The following AFG3L2 variants were observed in gnomAD, a reference collection of about 807,000 sequenced individuals.
AFG3L2 encodes the protein AFG3 like matrix AAA peptidase subunit 2.
A neutral mutation model predicts 94.5 loss-of-function variants in AFG3L2; 54 were observed. The observed-to-expected ratio is 0.57, with a 90% confidence interval of 0.46 to 0.72. AFG3L2 has a LOEUF of 0.72. AFG3L2 is among the 30% of genes least tolerant of loss of function. The probability of loss-of-function intolerance (pLI) is 0.00; values close to 1 mark genes in which losing one functional copy is unlikely to be tolerated. For missense variants in AFG3L2, 754 were observed against 994.9 expected, an observed-to-expected ratio of 0.76 and a Z score of 3.26; for synonymous variants, 377 against 365.5, an observed-to-expected ratio of 1.03 and a Z score of -0.36.
At chr18:12,355,695 G>A (rs1013339586) in intron 9 of AFG3L2, among the ~76,000 whole-genome samples, 1 of 149,970 alleles carries the variant, frequency 6.7e-6, no homozygotes, top group Non-Finnish European at 1.5e-5. Context: ...TTTGAGACGA[G>A]TCTCACTCTG....
At chr18:12,375,704 C>T (rs549156577) in intron 1 of AFG3L2, among the ~76,000 whole-genome samples, 2 of 152,310 alleles carry the variant, frequency 1.3e-5, no homozygotes, top group East Asian at 3.9e-4. Flanking sequence ...CGCCACCACG[C>T]CCGGCTAATT....
At chr18:12,352,701 T>G (rs1490865350) in intron 10 of AFG3L2, among the ~76,000 whole-genome samples, 1 of 152,118 alleles carries the variant, frequency 6.6e-6, no homozygotes, top group African/African-American at 2.4e-5. Flanking sequence ...GAAAAAATAT[T>G]TTGCTATTAT....
At chr18:12,348,506 T>G in intron 12 of AFG3L2, 123 bp from the exon 13 acceptor site, 2 of 768,414 alleles carry the variant, frequency 2.6e-6, no homozygotes, top group Non-Finnish European at 4.5e-6. Flanking sequence ...AAAGGTTTTG[T>G]GTAAATATAA....
chr18:12,333,289 T>G (rs377051494), intron 16 of AFG3L2, among the ~76,000 whole-genome samples: 10 of 130,500 alleles, frequency 7.7e-5, no homozygotes, highest in Non-Finnish European at 1.4e-4. Flanking sequence ...TTATATATAA[T>G]ATATAAATAT....
chr18:12,360,590 C>T (rs1385046032), intron 6 of AFG3L2, among the ~76,000 whole-genome samples: 2 of 152,212 alleles, frequency 1.3e-5, no homozygotes, highest in African/African-American at 4.8e-5. Context: ...CACTGTGCAA[C>T]TGGAACAGAT....
At chr18:12,370,756 G>T in intron 3 of AFG3L2, 93 bp downstream of exon 3, 1 of 888,446 alleles carries the variant, frequency 1.1e-6, no homozygotes, top group Non-Finnish European at 1.8e-6. Context: ...ACTGTGCCCG[G>T]CCTGATAACT....
At chr18:12,335,984 A>G (rs1169724903) in intron 16 of AFG3L2, among the ~76,000 whole-genome samples, 1 of 152,234 alleles carries the variant, frequency 6.6e-6, no homozygotes. Context: ...TTGCAAAATT[A>G]TAACAGCAAG....
intron 16 of AFG3L2, among the ~76,000 whole-genome samples, chr18:12,336,850 A>G (rs949430343): frequency 7.9e-5 from 12 of 152,244 alleles, no homozygotes; most frequent in Non-Finnish European, 7.3e-5. Flanking sequence ...GAGGTACAAC[A>G]ACGACAAACA....
intron 16 of AFG3L2, among the ~76,000 whole-genome samples, chr18:12,333,219 TTA>T (rs1248614087): frequency 8.2e-6 from 1 of 121,600 alleles, no homozygotes; most frequent in Non-Finnish European, 1.6e-5. Context: ...ATATAATCTA[TTA>T]TATAAATATA....
intron 1 of AFG3L2, among the ~76,000 whole-genome samples, chr18:12,373,518 T>A (rs1325451248): frequency 6.6e-6 from 1 of 152,164 alleles, no homozygotes; most frequent in African/African-American, 2.4e-5. Context: ...GGTGCAGAGG[T>A]AATATGAAGG....
rs753729791 is a variant in AFG3L2, at chr18:12,367,456, G to C, written c.293-74C>G. 5 of 1,385,546 alleles carry C rather than the reference G, an allele frequency of 3.6e-6. No individual in the cohort carries two copies. In the African/African-American group the frequency reaches 4.2e-5, roughly 12 times the overall value. The allele number at this position is 1,385,546 out of a possible 1,614,324, so 85.8% of individuals were successfully genotyped here. A position where few individuals can be genotyped will look rare whatever the true frequency, so the allele number is the denominator to read the frequency against. On this transcript the variant is annotated intron_variant, in intron 3 of 16. Coordinates refer to ENST00000269143, the MANE Select transcript of AFG3L2 (RefSeq NM_006796.3). ...CTCTCAGCAATGTCTTCATGTATAC[G>C]GTTTAATAAAAGACTCATTGCAGAA...
In AFG3L2 at chr18:12,329,208, T is replaced by C. The variant is rs1347176828; in HGVS notation, c.*357A>G. On this transcript the variant is annotated 3_prime_UTR_variant, in exon 17 of 17. Coordinates refer to ENST00000269143, the MANE Select transcript of AFG3L2 (RefSeq NM_006796.3). ...AAGAGTGGGCGACAAAGAGAAAGCA[T>C]CCCTTCCCACACGCCAAGAGTCCAG... is the stretch of plus-strand genomic sequence containing the variant. 1.4e-6 allele frequency: 1 copy of C among 702,838 alleles called. No individual in the cohort carries two copies. Among genetic ancestry groups the C allele is most frequent in the Admixed American group, 2.0e-5 (1 of 49,994 alleles). The allele number at this position is 702,838 out of a possible 1,614,324, so 43.5% of individuals were successfully genotyped here. A position where few individuals can be genotyped will look rare whatever the true frequency, so the allele number is the denominator to read the frequency against.
chr18:12,329,066 A>C lies in AFG3L2; in HGVS notation c.*499T>G, dbSNP rs964683115. On this transcript the variant is annotated 3_prime_UTR_variant, in exon 17 of 17. Coordinates refer to ENST00000269143, the MANE Select transcript of AFG3L2 (RefSeq NM_006796.3). Reference sequence around the variant, plus strand: ...TAGAAAACCATTCCATTAAGACAGCAACAAGTGATCTGGATTCAATCTTTA... The same window carrying C: ...TAGAAAACCATTCCATTAAGACAGCCACAAGTGATCTGGATTCAATCTTTA... 1.0e-5 allele frequency: 7 copies of C among 695,744 alleles called. No homozygotes were observed. Among genetic ancestry groups the C allele is most frequent in the Non-Finnish European group, 1.8e-5 (7 of 380,580 alleles). 43.1% of individuals were successfully genotyped at this position (695,744 alleles called of 1,614,324 possible).
Position 12,340,186 on chromosome 18 carries a change from CTT to C in AFG3L2, c.1980+13_1980+14del. The C allele has an allele frequency of 6.2e-7, 1 of 1,604,114 alleles. No individual in the cohort carries two copies. Among genetic ancestry groups the C allele is most frequent in the Non-Finnish European group, 8.5e-7 (1 of 1,171,364 alleles). On this transcript the variant is annotated intron_variant, in intron 15 of 16. Transcript: ENST00000269143. ...TGAATACATGAGGAGGAAATGCACT[CTT>C]TCATATACTCACTTGGGCATATGCA... is the stretch of plus-strand genomic sequence containing the variant.
intron 9 of AFG3L2, among the ~76,000 whole-genome samples, chr18:12,353,392 T>C (rs1408666061): frequency 6.6e-6 from 1 of 151,040 alleles, no homozygotes; most frequent in Non-Finnish European, 1.5e-5. Flanking sequence ...CGCGTGCCTG[T>C]GATCCCAGCT....
At chr18:12,342,644 A>G (rs1300104732) in intron 14 of AFG3L2, 3 of 152,014 alleles carry the variant, frequency 2.0e-5, no homozygotes, top group African/African-American at 7.2e-5. Flanking sequence ...TTTTCCCTGT[A>G]TTTTCTCCTA....
chr18:12,368,458 G>A (rs1197328255), intron 3 of AFG3L2, among the ~76,000 whole-genome samples: 2 of 152,162 alleles, frequency 1.3e-5, no homozygotes, highest in Non-Finnish European at 2.9e-5. Flanking sequence ...AAAGCCCATG[G>A]TTTTGACAAA....
chr18:12,356,043 A>T (rs140095412), intron 9 of AFG3L2, among the ~76,000 whole-genome samples: 1 of 151,812 alleles, frequency 6.6e-6, no homozygotes. Flanking sequence ...TCTGTGAATT[A>T]CTAAAAGCTA....
intron 9 of AFG3L2, among the ~76,000 whole-genome samples, chr18:12,356,186 CTG>C (rs1380132814): frequency 6.7e-6 from 1 of 148,208 alleles, no homozygotes; most frequent in Admixed American, 6.7e-5. Flanking sequence ...GCGTCTCACT[CTG>C]TTGCCCAGGC....
Sources: allele counts gnomAD v4.1 joint callset (sites outside exome capture counted in the v4.1 genomes callset), GRCh38; gene constraint gnomAD v4.1.1; transcripts MANE v1.5; gene names NCBI Gene and HGNC (gene_info 2026-07-23, HGNC 2026-07-21).